Variants in BAZ2B observed in about 807,000 individuals in gnomAD.
BAZ2B encodes bromodomain adjacent to zinc finger domain protein 2B.
In BAZ2B, 91 loss-of-function variants were observed where a neutral mutation model predicts 246.0. The observed-to-expected ratio is 0.37, with a 90% CI of 0.31 to 0.44. BAZ2B has a LOEUF of 0.44. BAZ2B is among the 20% of genes least tolerant of loss of function. The pLI is 1.00. For missense variants in BAZ2B, 2,332 were observed against 2,533.7 expected, an observed-to-expected ratio of 0.92 and a Z score of 1.71; for synonymous variants, 855 against 860.0, an observed-to-expected ratio of 0.99 and a Z score of 0.10.
the BAZ2B span, among the ~76,000 whole-genome samples, chr2:159,678,587 G>T: frequency 6.6e-6 from 1 of 152,174 alleles, no homozygotes; most frequent in Non-Finnish European, 1.5e-5. Context: ...GACTGCTTGA[G>T]TCCAGGAGTT....
chr2:159,325,176 A>T, intron 35 of BAZ2B, among the ~76,000 whole-genome samples: 1 of 126,836 alleles, frequency 7.9e-6, no homozygotes, highest in Non-Finnish European at 1.7e-5. Context: ...TATCGCCCAG[A>T]CTGGAGCACA....
intron 2 of BAZ2B, among the ~76,000 whole-genome samples, chr2:159,552,627 T>C (rs1578309734): frequency 6.6e-6 from 1 of 152,174 alleles, no homozygotes; most frequent in Non-Finnish European, 1.5e-5. Flanking sequence ...TCTAAGCTCT[T>C]TTCTATCCAC....
the BAZ2B span, among the ~76,000 whole-genome samples, chr2:159,639,686 C>T: frequency 1.3e-5 from 2 of 151,642 alleles, no homozygotes; most frequent in Non-Finnish European, 2.9e-5. Flanking sequence ...AGAAAACATA[C>T]AATGGATGCA....
At chr2:159,592,953 C>T (rs1249448599) in intron 1 of BAZ2B, among the ~76,000 whole-genome samples, 1 of 152,168 alleles carries the variant, frequency 6.6e-6, no homozygotes, top group South Asian at 2.1e-4. Flanking sequence ...TTCCCTCTCA[C>T]CCCAACACTG....
At chr2:159,597,125 A>G (rs1036208025) in intron 1 of BAZ2B, among the ~76,000 whole-genome samples, 2 of 151,920 alleles carry the variant, frequency 1.3e-5, no homozygotes, top group African/African-American at 4.8e-5. Context: ...TGTGGTTTTG[A>G]TTTGCATTTC....
chr2:159,611,470 A>G (rs554037243), intron 1 of BAZ2B, among the ~76,000 whole-genome samples: 1 of 152,070 alleles, frequency 6.6e-6, no homozygotes, highest in South Asian at 2.1e-4. Flanking sequence ...ATGTCTGAAT[A>G]TAAATCTTAG....
the BAZ2B span, among the ~76,000 whole-genome samples, chr2:159,646,696 G>T: frequency 6.6e-6 from 1 of 152,054 alleles, no homozygotes; most frequent in African/African-American, 2.4e-5. Context: ...TCTGTTTGGG[G>T]TCCCTGACTT....
the BAZ2B span, among the ~76,000 whole-genome samples, chr2:159,663,983 G>GCTCA: frequency 1.3e-5 from 1 of 76,256 alleles, no homozygotes; most frequent in Non-Finnish European, 2.6e-5. Flanking sequence ...CCACTAACGT[G>GCTCA]TCATCTAGCA....
chr2:159,372,563 A>T (rs750522532), intron 27 of BAZ2B, among the ~76,000 whole-genome samples: 5 of 152,246 alleles, frequency 3.3e-5, no homozygotes, highest in Admixed American at 6.5e-5. Context: ...AATTCAAAAA[A>T]GGAAGAAGTC....
chr2:159,599,937 A>C (rs1691722846), intron 1 of BAZ2B, among the ~76,000 whole-genome samples: 1 of 24,744 alleles, frequency 4.0e-5, no homozygotes. Flanking sequence ...CTCCTTCTCA[A>C]AAAAAAAAAA....
intron 27 of BAZ2B, among the ~76,000 whole-genome samples, chr2:159,368,924 A>G (rs1396635300): frequency 6.6e-6 from 1 of 151,592 alleles, no homozygotes; most frequent in Non-Finnish European, 1.5e-5. Context: ...TTATAAAGAC[A>G]TTAAATTATT....
intron 27 of BAZ2B, among the ~76,000 whole-genome samples, chr2:159,367,762 C>G (rs897856779): frequency 2.0e-5 from 3 of 152,038 alleles, no homozygotes; most frequent in Non-Finnish European, 4.4e-5. Flanking sequence ...GTGGCAGACG[C>G]CTGTAGTCCC....
chr2:159,368,469 G>A (rs1212392275), intron 27 of BAZ2B, among the ~76,000 whole-genome samples: 2 of 152,044 alleles, frequency 1.3e-5, no homozygotes, highest in African/African-American at 4.8e-5. Flanking sequence ...ATAAAGAGAA[G>A]GAATCTATAC....
chr2:159,439,547 C>T (rs1278270113), intron 6 of BAZ2B, among the ~76,000 whole-genome samples: 1 of 152,144 alleles, frequency 6.6e-6, no homozygotes, highest in East Asian at 1.9e-4. Flanking sequence ...ATGATACATA[C>T]ATCAAAAGTT....
chr2:159,482,409 T>C (rs1321193500), intron 2 of BAZ2B, among the ~76,000 whole-genome samples: 1 of 152,172 alleles, frequency 6.6e-6, no homozygotes, highest in African/African-American at 2.4e-5. Flanking sequence ...TTAAATGAGA[T>C]AATGCATGTA....
chr2:159,483,184 T>C (rs186036963), intron 2 of BAZ2B, among the ~76,000 whole-genome samples: 19 of 152,146 alleles, frequency 1.2e-4, no homozygotes, highest in Non-Finnish European at 1.9e-4. Context: ...GAGATTATAG[T>C]TTCTAATGTA....
intron 34 of BAZ2B, among the ~76,000 whole-genome samples, chr2:159,330,507 G>T (rs1315454351): frequency 2.0e-5 from 3 of 152,192 alleles, no homozygotes; most frequent in Non-Finnish European, 4.4e-5. Context: ...AATGCTGTTT[G>T]TGGTCACAAT....
chr2:159,352,879 C>T (rs112716743), intron 27 of BAZ2B, among the ~76,000 whole-genome samples: 174 of 152,278 alleles, frequency 1.1e-3, no homozygotes, highest in African/African-American at 3.8e-3. Context: ...GTGGCATGCA[C>T]CTGTAGTCCC....
intron 2 of BAZ2B, among the ~76,000 whole-genome samples, chr2:159,530,839 G>A (rs1485331255): frequency 1.3e-5 from 2 of 151,874 alleles, no homozygotes; most frequent in African/African-American, 4.8e-5. Flanking sequence ...GCATGGTGCC[G>A]CATGCCTGTA....
Sources: allele counts gnomAD v4.1 joint callset (sites outside exome capture counted in the v4.1 genomes callset), GRCh38; gene constraint gnomAD v4.1.1; transcripts MANE v1.5; gene names NCBI Gene and HGNC (gene_info 2026-07-23, HGNC 2026-07-21).